USH2A: variants seen among roughly 807,000 people sequenced by gnomAD.
The protein encoded by USH2A is usherin, also known as Usher syndrome 2A (autosomal recessive, mild).
In USH2A, 443 loss-of-function variants were observed where a neutral mutation model predicts 538.9. The ratio of observed to expected loss-of-function variants is 0.82; its 90% CI spans 0.76 to 0.89. The LOEUF (loss-of-function observed/expected upper bound fraction) is 0.89, where lower values mean the gene tolerates loss of function less well. Among genes scored for constraint, USH2A ranks in the 40% least tolerant of loss-of-function variants. The pLI is 0.00. For synonymous variants in USH2A, 2,413 were observed against 2,273.5 expected (o/e 1.06, Z -1.75); for missense variants, 6,633 against 6,324.8 (o/e 1.05, Z -1.65).
chr1:216,031,796 T>G (rs988939139), intron 32 of USH2A, among the ~76,000 whole-genome samples: 1 of 152,178 alleles, frequency 6.6e-6, no homozygotes, highest in Non-Finnish European at 1.5e-5. Flanking sequence ...TTACCCAGGG[T>G]GCACACTCAT....
At chr1:216,302,241 T>G (rs2037230258) in intron 9 of USH2A, among the ~76,000 whole-genome samples, 1 of 152,226 alleles carries the variant, frequency 6.6e-6, no homozygotes, top group Admixed American at 6.5e-5. Flanking sequence ...ATTTGGTGAA[T>G]GTGTGAGTGA....
intron 21 of USH2A, among the ~76,000 whole-genome samples, chr1:216,153,308 C>T (rs1289405376): frequency 1.3e-5 from 2 of 152,124 alleles, no homozygotes; most frequent in East Asian, 3.9e-4. Context: ...TCACAAGCAC[C>T]CACCCCTAGA....
Position 215,671,072 on chromosome 1 carries a change from G to T in USH2A, c.14033C>A (p.Ala4678Glu), listed in dbSNP as rs145803438. 6.2e-7 allele frequency: 1 copy of T among 1,614,022 alleles called. No homozygotes were observed. Among genetic ancestry groups the T allele is most frequent in the South Asian group, 1.1e-5 (1 of 91,090 alleles). The change falls in exon 64 of 72, where the codon GCA becomes GAA. Residue 4678 changes from alanine to glutamate, a missense_variant. By Grantham distance (107) the Ala-to-Glu change is moderately radical. Coordinates refer to ENST00000307340, the MANE Select transcript of USH2A (RefSeq NM_206933.4). ...TGGATTGGATTTTCTAGGCTGAGTT[G>T]CTATTTGTCTTCTGTATAATTCGTA... ...LYYELYRRQI[A>E]TQPRKSNPVL...
intron 70 of USH2A, 125 bp from the exon 71 acceptor site, chr1:215,629,160 CAATG>C (rs1300704658): frequency 9.7e-6 from 10 of 1,029,272 alleles, no homozygotes; most frequent in South Asian, 5.5e-5. Context: ...GTCACATTGT[CAATG>C]AAGGGAACAA....
chr1:216,196,465 T>A, intron 19 of USH2A, 88 bp downstream of exon 19: 1 of 1,476,024 alleles, frequency 6.8e-7, no homozygotes, highest in Non-Finnish European at 9.4e-7. Flanking sequence ...AGAGGGAGAA[T>A]TCTGTCACAG....
intron 21 of USH2A, among the ~76,000 whole-genome samples, chr1:216,108,457 T>C (rs189699200): frequency 6.6e-6 from 1 of 151,924 alleles, no homozygotes; most frequent in East Asian, 1.9e-4. Flanking sequence ...TATATTATAC[T>C]TATTCTACTT....
intron 5 of USH2A, among the ~76,000 whole-genome samples, chr1:216,327,269 T>C (rs1056465379): frequency 2.0e-5 from 3 of 152,166 alleles, no homozygotes; most frequent in African/African-American, 7.2e-5. Context: ...GTTTCTCAAG[T>C]ATTGTTAATA....
chr1:215,886,362 C>T (rs547453218), intron 41 of USH2A, among the ~76,000 whole-genome samples: 6 of 152,134 alleles, frequency 3.9e-5, no homozygotes, highest in Non-Finnish European at 8.8e-5. Context: ...ACGTCCACTT[C>T]GGTAAAGTCT....
chr1:216,190,257 G>A lies in USH2A; in HGVS notation c.4362C>T (p.Thr1454=). The change falls in exon 20 of 72, where the codon ACC becomes ACT. Residue 1454 remains threonine, a synonymous_variant. Coordinates refer to ENST00000307340, the MANE Select transcript of USH2A (RefSeq NM_206933.4). ...ITLCNSVGCV[T]SASGAGQTLA... ...AAGTTTGTCCTGCTCCCGAAGCACT[G>A]GTCACACAACCAACTGAATTGCAGA... The A allele has an allele frequency of 1.2e-6, 2 of 1,612,426 alleles. No individual in the cohort carries two copies. The highest frequency in any genetic ancestry group is 1.7e-6 in the Non-Finnish European group (2 of 1,179,070).
At chr1:216,025,626 C>T (rs1668946272) in intron 32 of USH2A, among the ~76,000 whole-genome samples, 1 of 151,964 alleles carries the variant, frequency 6.6e-6, no homozygotes, top group African/African-American at 2.4e-5. Context: ...TCAATAGATG[C>T]TGTATTTGAG....
chr1:215,877,874 C>T lies in USH2A; in HGVS notation c.8565G>A (p.Glu2855=). The change falls in exon 43 of 72, where the codon GAG becomes GAA. Residue 2855 remains glutamate, a synonymous_variant. Coordinates refer to ENST00000307340, the MANE Select transcript of USH2A (RefSeq NM_206933.4). ...GCTGCTGGATTTTACGTCTCAGAAG[C>T]TCATATCTAAAGCAAAAGACAAGCA... is the stretch of plus-strand genomic sequence containing the variant. ...SKPNGPNLRY[E]LLRRKIQQPL... is the part of the protein sequence containing the mutation. 6.2e-7 allele frequency: 1 copy of T among 1,613,644 alleles called. No individual in the cohort carries two copies. Among genetic ancestry groups the T allele is most frequent in the Non-Finnish European group, 8.5e-7 (1 of 1,179,656 alleles).
At chr1:216,272,924 A>T (rs1441390663) in intron 11 of USH2A, among the ~76,000 whole-genome samples, 2 of 152,112 alleles carry the variant, frequency 1.3e-5, no homozygotes, top group Non-Finnish European at 2.9e-5. Context: ...ACTCCAGGGG[A>T]ATCAGGATCA....
chr1:216,101,981 G>A (rs1019748642), intron 21 of USH2A, among the ~76,000 whole-genome samples: 10 of 152,050 alleles, frequency 6.6e-5, no homozygotes, highest in Non-Finnish European at 1.3e-4. Context: ...AATCATACAC[G>A]TTCGGGGCCA....
chr1:215,643,510 A>C (rs1656753055), intron 67 of USH2A, among the ~76,000 whole-genome samples: 1 of 150,720 alleles, frequency 6.6e-6, no homozygotes, highest in South Asian at 2.1e-4. Context: ...ATAAAAAAAC[A>C]CAAATAGATA....
At chr1:215,748,976 T>A (rs1290785141) in intron 58 of USH2A, among the ~76,000 whole-genome samples, 1 of 152,250 alleles carries the variant, frequency 6.6e-6, no homozygotes, top group Non-Finnish European at 1.5e-5. Flanking sequence ...GAATCCATCT[T>A]TCATATAAAG....
intron 61 of USH2A, 110 bp from the exon 62 acceptor site, chr1:215,680,486 C>A (rs568180259): frequency 1.5e-5 from 15 of 1,013,778 alleles, no homozygotes; most frequent in South Asian, 8.1e-5. Context: ...GCAACAGCAG[C>A]GCAAACACTA....
At position 215,660,724 on chromosome 1, in the gene USH2A, T is replaced by C. The variant is rs149333346; in HGVS notation, c.14134-9923A>G. 5.3e-3 allele frequency among the ~76,000 whole-genome samples: 810 copies of C among 152,304 alleles called. 11 individuals carry two copies. The highest frequency in any genetic ancestry group is 0.019 in the African/African-American group (785 of 41,564). ...AATTAGAGCAATTCAATGGATTCTT[T>C]AGAGAAAAGAATTTTATTACTGGTT... is the stretch of plus-strand genomic sequence containing the variant. On this transcript the variant is annotated intron_variant, in intron 64 of 71. Coordinates refer to ENST00000307340, the MANE Select transcript of USH2A (RefSeq NM_206933.4).
chr1:216,017,230 C>T (rs1408101160), intron 32 of USH2A, among the ~76,000 whole-genome samples: 1 of 150,294 alleles, frequency 6.7e-6, no homozygotes, highest in Non-Finnish European at 1.5e-5. Context: ...TCTCTGTCTC[C>T]ATCTACACAC....
intron 3 of USH2A, among the ~76,000 whole-genome samples, chr1:216,374,246 A>C (rs1194835336): frequency 1.3e-5 from 2 of 151,282 alleles, no homozygotes; most frequent in African/African-American, 4.9e-5. Context: ...TAAAACTTAA[A>C]GTATAATAAT....
Sources: allele counts gnomAD v4.1 joint callset (sites outside exome capture counted in the v4.1 genomes callset), GRCh38; gene constraint gnomAD v4.1.1; transcripts MANE v1.5; gene names NCBI Gene and HGNC (gene_info 2026-07-23, HGNC 2026-07-21).